The following ST6GALNAC3 variants were observed in gnomAD, a reference collection of about 807,000 sequenced individuals.
The protein encoded by ST6GALNAC3 is ST6 N-acetylgalactosaminide alpha-2,6-sialyltransferase 3.
In ST6GALNAC3, 25 loss-of-function variants were observed where a neutral mutation model predicts 32.7. That is an observed-to-expected ratio of 0.76 (90% CI 0.56 to 1.07). The LOEUF is 1.07. Among genes scored for constraint, ST6GALNAC3 ranks in the 50% least tolerant of loss-of-function variants. The pLI, the probability that ST6GALNAC3 is intolerant of heterozygous loss-of-function variation, is 0.00. For synonymous variants in ST6GALNAC3, 129 were observed against 133.1 expected (o/e 0.97, Z 0.21); for missense variants, 355 against 382.4 (o/e 0.93, Z 0.60).
intron 1 of ST6GALNAC3, among the ~76,000 whole-genome samples, chr1:76,242,089 CA>C (rs1656997627): frequency 6.6e-6 from 1 of 152,172 alleles, no homozygotes; most frequent in South Asian, 2.1e-4. Flanking sequence ...AGTCACTCAG[CA>C]AATACTAGCT....
intron 2 of ST6GALNAC3, among the ~76,000 whole-genome samples, chr1:76,381,034 A>T (rs2101113981): frequency 6.6e-6 from 1 of 152,206 alleles, no homozygotes; most frequent in East Asian, 1.9e-4. Flanking sequence ...CAGGAGTGTC[A>T]TCTACCATCT....
chr1:76,434,795 T>TTTG (rs1656023416), intron 3 of ST6GALNAC3, among the ~76,000 whole-genome samples: 1 of 142,956 alleles, frequency 7.0e-6, no homozygotes, highest in Non-Finnish European at 1.5e-5. Flanking sequence ...TTTTTTTTTT[T>TTTG]TTTTTTTTTT....
intron 1 of ST6GALNAC3, among the ~76,000 whole-genome samples, chr1:76,253,359 C>T (rs1310716378): frequency 6.6e-6 from 1 of 152,098 alleles, no homozygotes; most frequent in Non-Finnish European, 1.5e-5. Context: ...TGGGCAAATA[C>T]ACTATCACAA....
intron 1 of ST6GALNAC3, among the ~76,000 whole-genome samples, chr1:76,123,403 C>G (rs1317945193): frequency 6.8e-6 from 1 of 147,716 alleles, no homozygotes; most frequent in Non-Finnish European, 1.5e-5. Context: ...AAAAGCTTTG[C>G]TATAGGGAAA....
intron 3 of ST6GALNAC3, among the ~76,000 whole-genome samples, chr1:76,431,573 A>G (rs958285029): frequency 1.3e-5 from 2 of 152,122 alleles, no homozygotes; most frequent in African/African-American, 2.4e-5. Flanking sequence ...AAAATATTCC[A>G]TAAAATCAGT....
chr1:76,117,914 G>A (rs545865424), intron 1 of ST6GALNAC3, among the ~76,000 whole-genome samples: 3 of 152,244 alleles, frequency 2.0e-5, no homozygotes, highest in Admixed American at 6.5e-5. Context: ...GGTAATAATA[G>A]TACCTACTTC....
In ST6GALNAC3 at chr1:76,193,270, C is replaced by T. The variant is rs61773767; in HGVS notation, c.18+118386C>T. 2.7e-3 allele frequency among the ~76,000 whole-genome samples: 417 copies of T among 152,140 alleles called. 2 individuals carry two copies. The highest frequency in any genetic ancestry group is 3.9e-3 in the Non-Finnish European group (268 of 67,978). ...CCCACTTCCAGTCTACATTGGGGAC[C>T]CCCACCATTAGAAAATGTCTTTATT... On this transcript the variant is annotated intron_variant, in intron 1 of 4. Coordinates refer to ENST00000328299, the MANE Select transcript of ST6GALNAC3 (RefSeq NM_152996.4).
chr1:76,423,080 T>G (rs1047171083), intron 3 of ST6GALNAC3, among the ~76,000 whole-genome samples: 1 of 152,046 alleles, frequency 6.6e-6, no homozygotes, highest in Non-Finnish European at 1.5e-5. Flanking sequence ...CTATTTGCTT[T>G]GCAATTTTGC....
At chr1:76,171,440 A>T (rs1373031482) in intron 1 of ST6GALNAC3, among the ~76,000 whole-genome samples, 2 of 151,986 alleles carry the variant, frequency 1.3e-5, no homozygotes, top group Admixed American at 1.3e-4. Context: ...AAGATCAGGG[A>T]AGAATTGATG....
chr1:76,190,879 A>C (rs1653854402), intron 1 of ST6GALNAC3, among the ~76,000 whole-genome samples: 1 of 152,222 alleles, frequency 6.6e-6, no homozygotes, highest in South Asian at 2.1e-4. Context: ...TGGTTCTGGT[A>C]GCAGAAAAAG....
At chr1:76,317,160 A>G (rs947072312) in intron 2 of ST6GALNAC3, among the ~76,000 whole-genome samples, 10 of 152,118 alleles carry the variant, frequency 6.6e-5, no homozygotes, top group African/African-American at 1.9e-4. Context: ...TCGGGAGAAA[A>G]TAAAAACTTT....
At chr1:76,138,222 A>G (rs531622130) in intron 1 of ST6GALNAC3, among the ~76,000 whole-genome samples, 1 of 152,296 alleles carries the variant, frequency 6.6e-6, no homozygotes, top group East Asian at 1.9e-4. Flanking sequence ...AATAGGTAAA[A>G]TCATTTTCAG....
chr1:76,457,295 T>A (rs1657893578), intron 3 of ST6GALNAC3, among the ~76,000 whole-genome samples: 1 of 152,096 alleles, frequency 6.6e-6, no homozygotes, highest in Admixed American at 6.5e-5. Flanking sequence ...AATTTACAGA[T>A]TCAATGCCAT....
At chr1:76,298,033 C>G (rs956790764) in intron 1 of ST6GALNAC3, among the ~76,000 whole-genome samples, 1 of 151,850 alleles carries the variant, frequency 6.6e-6, no homozygotes, top group Non-Finnish European at 1.5e-5. Context: ...TCAAGAACCA[C>G]AAAAAGCTTA....
chr1:76,456,107 G>T (rs1049008347), intron 3 of ST6GALNAC3, among the ~76,000 whole-genome samples: 1 of 152,166 alleles, frequency 6.6e-6, no homozygotes, highest in Non-Finnish European at 1.5e-5. Flanking sequence ...ACGAGGTTGT[G>T]GTTGCAGTGA....
At chr1:76,441,103 AAAAAATAAGAGAAAGCAACATAGATGCTG>A (rs1408066687) in intron 3 of ST6GALNAC3, among the ~76,000 whole-genome samples, 1 of 149,608 alleles carries the variant, frequency 6.7e-6, no homozygotes, top group African/African-American at 2.5e-5. Flanking sequence ...AAAAAAAAAA[AAAAAATAAGAGAAAGCAACATAGATGCTG>A]AACTTTAAGG....
intron 1 of ST6GALNAC3, among the ~76,000 whole-genome samples, chr1:76,106,567 G>A (rs1386753893): frequency 1.3e-5 from 2 of 152,154 alleles, no homozygotes; most frequent in Non-Finnish European, 1.5e-5. Flanking sequence ...GTAGGAATTG[G>A]ATGGTGCACC....
intron 1 of ST6GALNAC3, among the ~76,000 whole-genome samples, chr1:76,189,958 A>G (rs1653800804): frequency 6.6e-6 from 1 of 152,148 alleles, no homozygotes; most frequent in Non-Finnish European, 1.5e-5. Context: ...ATCACAGTGG[A>G]CTGAATTCTG....
intron 3 of ST6GALNAC3, chr1:76,576,966 C>G: frequency 7.8e-7 from 1 of 1,281,506 alleles, no homozygotes; most frequent in Non-Finnish European, 1.0e-6. Flanking sequence ...AACAAACAAA[C>G]AAAACTAAGC....
Sources: allele counts gnomAD v4.1 joint callset (sites outside exome capture counted in the v4.1 genomes callset), GRCh38; gene constraint gnomAD v4.1.1; transcripts MANE v1.5; gene names NCBI Gene and HGNC (gene_info 2026-07-23, HGNC 2026-07-21).